Variants in TTPAL observed in about 807,000 individuals in gnomAD.
The protein encoded by TTPAL is alpha tocopherol transfer protein like.
TTPAL carries 21 observed loss-of-function variants against 28.7 expected under a neutral mutation model. The observed-to-expected ratio is 0.73, with a 90% CI of 0.52 to 1.06. TTPAL has a LOEUF of 1.06. Ranked by LOEUF, TTPAL falls within the 50% of genes least tolerant of loss-of-function variation. The pLI is 0.00. For synonymous variants in TTPAL, 169 were observed against 171.9 expected (o/e 0.98, Z 0.13); for missense variants, 345 against 425.5 (o/e 0.81, Z 1.67).
At chr20:44,476,584 C>T (rs1398867606) in intron 1 of TTPAL, among the ~76,000 whole-genome samples, 1 of 152,220 alleles carries the variant, frequency 6.6e-6, no homozygotes, top group Non-Finnish European at 1.5e-5. Flanking sequence ...AAGCCCTCTG[C>T]CCTCGTGGAA....
At position 44,491,200 on chromosome 20, in the gene TTPAL, C is replaced by G. The variant is rs1401166171; in HGVS notation, c.*1659C>G. On this transcript the variant is annotated 3_prime_UTR_variant, in exon 5 of 5. Coordinates refer to ENST00000262605, the MANE Select transcript of TTPAL (RefSeq NM_001039199.3). ...CCCAGCCCCACTTGAGTTTCTCTCTCTGGTGTGGGTGAACCAGTCAGCCTG... is the reference window on the plus strand; with the variant it reads ...CCCAGCCCCACTTGAGTTTCTCTCTGTGGTGTGGGTGAACCAGTCAGCCTG... 3 of 148,634 alleles carry G rather than the reference C, an allele frequency of 2.0e-5. No homozygotes were observed. Among genetic ancestry groups the G allele is most frequent in the Non-Finnish European group, 3.0e-5 (2 of 67,298 alleles). The allele number at this position is 148,634 out of a possible 1,614,324, so 9.2% of individuals were successfully genotyped here.
At position 44,480,065 on chromosome 20, in the gene TTPAL, G is replaced by A; in HGVS notation, c.66G>A (p.Leu22=). The A allele has an allele frequency of 6.2e-7, 1 of 1,614,170 alleles. No individual in the cohort carries two copies. Among genetic ancestry groups the A allele is most frequent in the East Asian group, 2.2e-5 (1 of 44,884 alleles). ...TGGCCTCACTCTCTGAAAATGAGCT[G>A]CCACCACCACCTGAGCCTCCGGGCT... ...PSVASLSENE[L]PPPPEPPGYV... is the part of the protein sequence containing the mutation. Residue 22 remains leucine, a synonymous_variant, in exon 2 of 5, where the codon CTG becomes CTA. Transcript: ENST00000262605. This position sits in a 1 kb window ranked among gnomAD's most constrained non-coding sequence, Gnocchi z 4.1.
At chr20:44,486,400 A>T (rs1218416996) in intron 3 of TTPAL, 196 bp from the exon 4 acceptor site, 1 of 472,036 alleles carries the variant, frequency 2.1e-6, no homozygotes, top group East Asian at 3.6e-5. Context: ...CCTCTCTTCT[A>T]ACCCAGTTTT....
Position 44,492,036 on chromosome 20 carries a change from T to A in TTPAL, c.*2495T>A, listed in dbSNP as rs879779322. The A allele has an allele frequency of 6.6e-6, 1 of 152,230 alleles. No individual in the cohort carries two copies. Among genetic ancestry groups the A allele is most frequent in the South Asian group, 2.1e-4 (1 of 4,826 alleles). The allele number at this position is 152,230 out of a possible 1,614,324, so 9.4% of individuals were successfully genotyped here. On this transcript the variant is annotated 3_prime_UTR_variant, in exon 5 of 5. Coordinates refer to ENST00000262605, the MANE Select transcript of TTPAL (RefSeq NM_001039199.3). ...GGTTTCACTCAGCTTCTAGAAGGAG[T>A]TGGAGCCTAAGTTTATCTGCCTCCG...
intron 2 of TTPAL, among the ~76,000 whole-genome samples, chr20:44,481,868 G>A (rs571874041): frequency 6.6e-6 from 1 of 152,254 alleles, no homozygotes; most frequent in Admixed American, 6.5e-5. Flanking sequence ...GCAGATTTTA[G>A]GGCGCCAGGA....
chr20:44,478,746 G>C (rs2064069616), intron 1 of TTPAL: 1 of 152,134 alleles, frequency 6.6e-6, no homozygotes, highest in Non-Finnish European at 1.5e-5. Context: ...TCTGCAACTT[G>C]CTTTTTTAAT....
chr20:44,481,679 G>A (rs2064106879), intron 2 of TTPAL, among the ~76,000 whole-genome samples: 1 of 152,152 alleles, frequency 6.6e-6, no homozygotes, highest in Admixed American at 6.6e-5. Flanking sequence ...GTTTGATGGG[G>A]AGTGGACACC....
chr20:44,478,641 A>C (rs2122759004), intron 1 of TTPAL: 1 of 152,350 alleles, frequency 6.6e-6, no homozygotes, highest in African/African-American at 2.4e-5. Flanking sequence ...CCAAGAGATA[A>C]CCATTGGTAA....
In TTPAL at chr20:44,490,946, GGCT is replaced by G. The variant is rs1454911374; in HGVS notation, c.*1406_*1408del. 6 of 151,560 alleles carry G rather than the reference GGCT, an allele frequency of 4.0e-5. No individual in the cohort carries two copies. The allele number at this position is 151,560 out of a possible 1,614,324, so 9.4% of individuals were successfully genotyped here. A position where few individuals can be genotyped will look rare whatever the true frequency, so the allele number is the denominator to read the frequency against. On this transcript the variant is annotated 3_prime_UTR_variant, in exon 5 of 5. Transcript: ENST00000262605. Reference sequence around the variant, plus strand: ...CAAAAATTAGCTGGGCGTGGTGGCGGGCTCCTGTAGTCCCAGCTACTCGGGAGG... The same window carrying G: ...CAAAAATTAGCTGGGCGTGGTGGCGGCCTGTAGTCCCAGCTACTCGGGAGG...
In TTPAL at chr20:44,484,463, G is replaced by C. The variant is rs781425415; in HGVS notation, c.572G>C (p.Gly191Ala). 1 of 1,603,618 alleles carries C rather than the reference G, an allele frequency of 6.2e-7. No individual in the cohort carries two copies. Among genetic ancestry groups the C allele is most frequent in the Non-Finnish European group, 8.5e-7 (1 of 1,171,182 alleles). ...ATTGTAATTCTTGCAGACTACAAAG[G>C]AGTGAGTTTATCAAAAGCATCTCAC... ...NGIVILADYK[G>A]VSLSKASHFG... Residue 191 changes from glycine (G) to alanine (A), a missense_variant, in exon 3 of 5, where the codon GGA becomes GCA. By Grantham distance (60) the Gly-to-Ala change is moderately conservative (BLOSUM62 0). Coordinates refer to ENST00000262605, the MANE Select transcript of TTPAL (RefSeq NM_001039199.3).
chr20:44,477,711 G>C (rs111385960), intron 1 of TTPAL, among the ~76,000 whole-genome samples: 3 of 152,114 alleles, frequency 2.0e-5, no homozygotes, highest in African/African-American at 7.2e-5. Flanking sequence ...CTGGAGTGCA[G>C]TGACATGATC....
At chr20:44,479,468 G>A (rs1247157821) in intron 1 of TTPAL, among the ~76,000 whole-genome samples, 2 of 126,738 alleles carry the variant, frequency 1.6e-5, no homozygotes, top group Admixed American at 1.0e-4. Context: ...GCGCCATCTC[G>A]GCTCACTGCA....
chr20:44,477,468 C>A (rs777908950), intron 1 of TTPAL, among the ~76,000 whole-genome samples: 2 of 152,020 alleles, frequency 1.3e-5, no homozygotes, highest in Non-Finnish European at 2.9e-5. Context: ...GGGGGAGGCA[C>A]CTAACCTGGC....
In TTPAL at chr20:44,490,092, A is replaced by G. The variant is rs1262807062; in HGVS notation, c.*551A>G. 1 of 157,220 alleles carries G rather than the reference A, an allele frequency of 6.4e-6. No individual in the cohort carries two copies. The highest frequency in any genetic ancestry group is 1.8e-4 in the East Asian group (1 of 5,434). 9.7% of individuals were successfully genotyped at this position (157,220 alleles called of 1,614,324 possible). ...CCCAGCTGTTGTCACCGGGTTTGGAAAGCACCTTAACTGAATCATGTAAGC... is the reference window on the plus strand; with the variant it reads ...CCCAGCTGTTGTCACCGGGTTTGGAGAGCACCTTAACTGAATCATGTAAGC... On this transcript the variant is annotated 3_prime_UTR_variant, in exon 5 of 5. Coordinates refer to ENST00000262605, the MANE Select transcript of TTPAL (RefSeq NM_001039199.3).
intron 4 of TTPAL, among the ~76,000 whole-genome samples, chr20:44,487,130 A>G (rs546305817): frequency 6.6e-6 from 1 of 152,266 alleles, no homozygotes; most frequent in South Asian, 2.1e-4. Context: ...AAAATACAAA[A>G]AATTAGCCAG....
intron 1 of TTPAL, among the ~76,000 whole-genome samples, chr20:44,478,379 C>G (rs6017352): frequency 3.7e-4 from 56 of 152,314 alleles, no homozygotes; most frequent in African/African-American, 1.3e-3. Context: ...TAGAGGAGTC[C>G]TATGTCTCAC....
At chr20:44,478,321 G>A (rs1430971705) in intron 1 of TTPAL, among the ~76,000 whole-genome samples, 8 of 152,230 alleles carry the variant, frequency 5.3e-5, no homozygotes, top group Non-Finnish European at 8.8e-5. Context: ...TGACTGCAGG[G>A]CAGTCCCAAC....
Position 44,480,072 on chromosome 20 carries a change from C to A in TTPAL, c.73C>A (p.Pro25Thr), listed in dbSNP as rs1170100310. Residue 25 changes from proline to threonine, a missense_variant, in exon 2 of 5, where the codon CCA becomes ACA. Pro to Thr is a conservative substitution (Grantham distance 38, BLOSUM62 -1). Coordinates refer to ENST00000262605, the MANE Select transcript of TTPAL (RefSeq NM_001039199.3). The surrounding 1 kb of genome is among the most constrained non-coding windows in gnomAD (Gnocchi z 4.1). ...ASLSENELPP[P>T]PEPPGYVCSL... is the part of the protein sequence containing the mutation. ...ACTCTCTGAAAATGAGCTGCCACCACCACCTGAGCCTCCGGGCTATGTGTG... is the reference window on the plus strand; with the variant it reads ...ACTCTCTGAAAATGAGCTGCCACCAACACCTGAGCCTCCGGGCTATGTGTG... 1.9e-6 allele frequency: 3 copies of A among 1,614,214 alleles called. No homozygotes were observed. The South Asian group carries it at 3.3e-5, about 18-fold the overall frequency.
At chr20:44,481,927 C>G (rs2064109011) in intron 2 of TTPAL, among the ~76,000 whole-genome samples, 1 of 152,200 alleles carries the variant, frequency 6.6e-6, no homozygotes, top group South Asian at 2.1e-4. Context: ...CTGTACTCAA[C>G]TCATAAGAAT....
Sources: allele counts gnomAD v4.1 joint callset (sites outside exome capture counted in the v4.1 genomes callset), GRCh38; gene constraint gnomAD v4.1.1; non-coding constraint Gnocchi (gnomAD v3.1); transcripts MANE v1.5; gene names NCBI Gene and HGNC (gene_info 2026-07-23, HGNC 2026-07-21).